The following KIF27 variants were observed in gnomAD, a reference collection of about 807,000 sequenced individuals.
KIF27 encodes the protein kinesin family member 27.
KIF27 carries 84 observed loss-of-function variants against 141.8 expected under a neutral mutation model. The ratio of observed to expected loss-of-function variants is 0.59; its 90% CI spans 0.50 to 0.71. The LOEUF is 0.71. KIF27 is among the 30% of genes least tolerant of loss of function. The pLI, the probability that KIF27 is intolerant of heterozygous loss-of-function variation, is 0.00. For synonymous variants in KIF27, 471 were observed against 569.5 expected (o/e 0.83, Z 2.46); for missense variants, 1,306 against 1,628.4 (o/e 0.80, Z 3.41).
intron 17 of KIF27, among the ~76,000 whole-genome samples, chr9:83,838,264 C>A (rs1421390578): frequency 6.6e-6 from 1 of 151,522 alleles, no homozygotes; most frequent in African/African-American, 2.4e-5. Flanking sequence ...GACGGAGTCT[C>A]GCTCTGTCGC....
At chr9:83,889,546 A>C (rs1401875632) in intron 6 of KIF27, among the ~76,000 whole-genome samples, 1 of 151,946 alleles carries the variant, frequency 6.6e-6, no homozygotes, top group Non-Finnish European at 1.5e-5. Flanking sequence ...AACGCATGGA[A>C]AACATCCTAG....
chr9:83,851,814 T>G (rs1256279749), intron 15 of KIF27, among the ~76,000 whole-genome samples: 1 of 152,188 alleles, frequency 6.6e-6, no homozygotes, highest in Admixed American at 6.5e-5. Context: ...CCACTGACCT[T>G]AGCCAGGTTG....
chr9:83,875,453 A>C (rs543908395), intron 11 of KIF27, among the ~76,000 whole-genome samples: 1 of 152,316 alleles, frequency 6.6e-6, no homozygotes, highest in African/African-American at 2.4e-5. Context: ...CAACCTAGGG[A>C]AGAGGTTGGA....
At chr9:83,843,504 G>A (rs1946829113) in intron 16 of KIF27, among the ~76,000 whole-genome samples, 1 of 151,952 alleles carries the variant, frequency 6.6e-6, no homozygotes, top group Non-Finnish European at 1.5e-5. Flanking sequence ...GGTTACAATT[G>A]GCTGTTTTGT....
chr9:83,858,981 C>T, intron 14 of KIF27, 175 bp downstream of exon 14: 2 of 617,376 alleles, frequency 3.2e-6, no homozygotes, highest in Non-Finnish European at 5.8e-6. Flanking sequence ...ATCTCAGTCT[C>T]TAGTCCAGCG....
At chr9:83,887,932 T>G (rs1256603470) in intron 8 of KIF27, among the ~76,000 whole-genome samples, 1 of 151,348 alleles carries the variant, frequency 6.6e-6, no homozygotes, top group Non-Finnish European at 1.5e-5. Context: ...TTATCCCTAT[T>G]CCCTTATTTT....
At chr9:83,913,706 G>A (rs1161502851) in intron 2 of KIF27, among the ~76,000 whole-genome samples, 1 of 152,116 alleles carries the variant, frequency 6.6e-6, no homozygotes. Flanking sequence ...CAAAGTGCTG[G>A]GATTACAGGC....
chr9:83,891,169 G>T, intron 6 of KIF27, 126 bp downstream of exon 6: 1 of 652,684 alleles, frequency 1.5e-6, no homozygotes. Flanking sequence ...AAAAGAAAAG[G>T]TATACACAAA....
chr9:83,882,701 C>A (rs1457279823), intron 10 of KIF27, among the ~76,000 whole-genome samples: 1 of 152,064 alleles, frequency 6.6e-6, no homozygotes, highest in African/African-American at 2.4e-5. Context: ...CTTTCATTTT[C>A]TTTCCTTATC....
intron 5 of KIF27, among the ~76,000 whole-genome samples, chr9:83,897,032 TA>T (rs575643625): frequency 1.3e-5 from 2 of 152,102 alleles, no homozygotes; most frequent in African/African-American, 4.8e-5. Flanking sequence ...TGTAAATACA[TA>T]AAAAAATCAT....
intron 16 of KIF27, among the ~76,000 whole-genome samples, chr9:83,846,306 G>A (rs1947268648): frequency 6.6e-6 from 1 of 152,190 alleles, no homozygotes; most frequent in African/African-American, 2.4e-5. Flanking sequence ...TGCACGCAAT[G>A]CTTCTGCCAA....
In KIF27 at chr9:83,903,456, G is replaced by A; in HGVS notation, c.1062C>T (p.Asp354=). 6.2e-7 allele frequency: 1 copy of A among 1,614,054 alleles called. No homozygotes were observed. The highest frequency in any genetic ancestry group is 1.3e-5 in the African/African-American group (1 of 75,014). Residue 354 remains aspartate, a synonymous_variant, in exon 4 of 18, where the codon GAC becomes GAT. Coordinates refer to ENST00000297814, the MANE Select transcript of KIF27 (RefSeq NM_017576.4). ...KPTVNFSPES[D]RIDEMEFEIK... ...TCTCAAATTCCATTTCATCTATACG[G>A]TCTGACTCGGGGCTGAAGTTTACAG... is the stretch of plus-strand genomic sequence containing the variant.
intron 12 of KIF27, chr9:83,868,540 A>T (rs1335103645): frequency 6.6e-6 from 1 of 152,230 alleles, no homozygotes; most frequent in Non-Finnish European, 1.5e-5. Flanking sequence ...CAAACATCTG[A>T]GTACTCTCTT....
chr9:83,848,494 ATATC>A (rs1310409590), intron 16 of KIF27, among the ~76,000 whole-genome samples: 2 of 144,420 alleles, frequency 1.4e-5, no homozygotes, highest in South Asian at 2.1e-4. Flanking sequence ...AGATATGTAT[ATATC>A]TATATATAGC....
intron 17 of KIF27, among the ~76,000 whole-genome samples, chr9:83,838,454 C>T (rs2131445742): frequency 6.6e-6 from 1 of 152,206 alleles, no homozygotes; most frequent in African/African-American, 2.4e-5. Context: ...AGGATGGTCT[C>T]GATCTCCTGA....
chr9:83,908,307 C>CTGTTCAAT, intron 3 of KIF27, 145 bp downstream of exon 3: 1 of 465,416 alleles, frequency 2.1e-6, no homozygotes, highest in East Asian at 3.5e-5. Flanking sequence ...AATAATAAAG[C>CTGTTCAAT]TGTTCAATTT....
At chr9:83,841,867 A>G (rs1278328081) in intron 17 of KIF27, among the ~76,000 whole-genome samples, 4 of 152,230 alleles carry the variant, frequency 2.6e-5, no homozygotes, top group Non-Finnish European at 4.4e-5. Context: ...TCTTAAAAAT[A>G]CAAACTTTTA....
Position 83,835,185 on chromosome 9 carries a change from G to T in KIF27, c.*1816C>A, listed in dbSNP as rs1014714124. Among the ~76,000 whole-genome samples the T allele has an allele frequency of 6.7e-6, 1 of 148,816 alleles. No individual in the cohort carries two copies. The highest frequency in any genetic ancestry group is 2.5e-5 in the African/African-American group (1 of 40,502). ...CAAGTGTATATACATATATATATATGAAATATATATAATAATGGCAAAAGG... is the reference window on the plus strand; with the variant it reads ...CAAGTGTATATACATATATATATATTAAATATATATAATAATGGCAAAAGG... On this transcript the variant is annotated 3_prime_UTR_variant, in exon 18 of 18. Transcript: ENST00000297814.
At chr9:83,840,230 C>G (rs1946404644) in intron 17 of KIF27, among the ~76,000 whole-genome samples, 1 of 152,102 alleles carries the variant, frequency 6.6e-6, no homozygotes, top group Admixed American at 6.5e-5. Context: ...AGGATTATAA[C>G]TGATTTGTTT....
Sources: gnomAD v4.1 joint callset for allele counts (sites outside exome capture counted in the v4.1 genomes callset) on GRCh38, gnomAD v4.1.1 for gene constraint, MANE v1.5 for transcripts, NCBI Gene and HGNC (gene_info 2026-07-23, HGNC 2026-07-21) for gene names.